Variants in ZNF106 observed in about 807,000 individuals in gnomAD.
ZNF106 encodes the protein zinc finger protein 106.
ZNF106 carries 67 observed loss-of-function variants against 195.1 expected under a neutral mutation model. The ratio of observed to expected loss-of-function variants is 0.34; its 90% CI spans 0.28 to 0.42. The LOEUF is 0.42. Among genes scored for constraint, ZNF106 ranks in the 10% least tolerant of loss-of-function variants. The probability of loss-of-function intolerance (pLI) is 1.00; values close to 1 mark genes in which losing one functional copy is unlikely to be tolerated. For missense variants in ZNF106, 2,118 were observed against 2,304.5 expected, an observed-to-expected ratio of 0.92 and a Z score of 1.66; for synonymous variants, 784 against 818.6, an observed-to-expected ratio of 0.96 and a Z score of 0.72.
chr15:42,422,428 CA>C, intron 18 of ZNF106, 72 bp downstream of exon 18: 1 of 1,547,790 alleles, frequency 6.5e-7, no homozygotes, highest in Non-Finnish European at 8.7e-7. Context: ...CTTACTGTAT[CA>C]AAAATCAACA....
At chr15:42,482,101 A>G (rs1411954318) in intron 1 of ZNF106, among the ~76,000 whole-genome samples, 2 of 152,140 alleles carry the variant, frequency 1.3e-5, no homozygotes, top group Non-Finnish European at 2.9e-5. Context: ...AGCCCCATCC[A>G]GTTTAAATTT....
intron 10 of ZNF106, among the ~76,000 whole-genome samples, chr15:42,440,446 TGTA>T (rs2055455140): frequency 6.6e-6 from 1 of 152,178 alleles, no homozygotes; most frequent in Non-Finnish European, 1.5e-5. Flanking sequence ...TTATGCAACT[TGTA>T]ATATAAAATA....
chr15:42,459,050 T>C (rs1179874857), intron 3 of ZNF106, among the ~76,000 whole-genome samples: 1 of 152,196 alleles, frequency 6.6e-6, no homozygotes, highest in Non-Finnish European at 1.5e-5. Flanking sequence ...CATTTTAATG[T>C]GCTCTGACCA....
intron 3 of ZNF106, among the ~76,000 whole-genome samples, chr15:42,464,875 G>A (rs1404706443): frequency 6.6e-6 from 1 of 152,124 alleles, no homozygotes; most frequent in African/African-American, 2.4e-5. Flanking sequence ...ATAAGTCTCA[G>A]GAGATCTGAT....
At chr15:42,448,766 T>A in intron 5 of ZNF106, 61 bp from the exon 6 acceptor site, 1 of 1,497,468 alleles carries the variant, frequency 6.7e-7, no homozygotes, top group Non-Finnish European at 8.9e-7. Context: ...AGGGGCATTA[T>A]TTTTTAATGT....
intron 14 of ZNF106, among the ~76,000 whole-genome samples, chr15:42,428,658 C>A (rs2054941676): frequency 6.6e-6 from 1 of 152,216 alleles, no homozygotes; most frequent in South Asian, 2.1e-4. Flanking sequence ...CAACCCCATC[C>A]CTGAGACTCT....
chr15:42,476,008 T>C (rs2056778074), intron 1 of ZNF106, among the ~76,000 whole-genome samples: 1 of 151,964 alleles, frequency 6.6e-6, no homozygotes, highest in East Asian at 1.9e-4. Flanking sequence ...AGCAAATGGA[T>C]AAAAAAAATA....
chr15:42,434,768 CTTTTT>C (rs536454605), intron 14 of ZNF106, among the ~76,000 whole-genome samples: 7 of 134,812 alleles, frequency 5.2e-5, no homozygotes, highest in Non-Finnish European at 1.1e-4. Context: ...ACATTTTGCT[CTTTTT>C]TTTTTTTTTT....
intron 14 of ZNF106, 152 bp from the exon 15 acceptor site, chr15:42,428,286 C>G (rs1281741879): frequency 1.0e-5 from 6 of 574,072 alleles, no homozygotes; most frequent in Non-Finnish European, 1.8e-5. Flanking sequence ...AGATCTGTTT[C>G]TCCTTTGAAA....
Position 42,449,802 on chromosome 15 carries a change from T to C in ZNF106, c.2470A>G (p.Lys824Glu). Residue 824 changes from lysine (K) to glutamate (E), a missense_variant, in exon 5 of 22, where the codon AAA becomes GAA. Lys to Glu is a moderately conservative substitution (Grantham distance 56). Transcript: ENST00000564754. ...WEQVIQQVTK[K>E]KQELGKGLPR... ...AAGCCTTTGCCCAGCTCTTGCTTTT[T>C]CTTGGTTACTTGCTGAATGACCTGT... 1 of 1,614,096 alleles carries C rather than the reference T, an allele frequency of 6.2e-7. No homozygotes were observed. Among genetic ancestry groups the C allele is most frequent in the Non-Finnish European group, 8.5e-7 (1 of 1,179,950 alleles).
At chr15:42,446,501 CAA>C (rs2055775730) in intron 7 of ZNF106, 86 bp downstream of exon 7, 1 of 977,290 alleles carries the variant, frequency 1.0e-6, no homozygotes, top group Non-Finnish European at 1.6e-6. Context: ...TGCTTGAGCC[CAA>C]GAGTTGGAGG....
intron 13 of ZNF106, among the ~76,000 whole-genome samples, chr15:42,436,115 G>A (rs1473298054): frequency 4.0e-5 from 6 of 151,822 alleles, no homozygotes; most frequent in East Asian, 1.9e-4. Context: ...CACCACCCCC[G>A]GCTAATTTTT....
chr15:42,446,545 C>A, intron 7 of ZNF106, 44 bp downstream of exon 7: 3 of 1,540,470 alleles, frequency 1.9e-6, no homozygotes, highest in South Asian at 1.2e-5. Context: ...CAAAAAAAAC[C>A]AAAAAACACC....
Position 42,439,750 on chromosome 15 carries a change from G to A in ZNF106, c.3827C>T (p.Ser1276Leu), listed in dbSNP as rs1277839847. ...VITARLSLPE[S>L]TESFHEPSQE... ...GCTAGGCTCATGGAAACTTTCTGTT[G>A]ACTCTGGTAAGGACAATCTAGCAGT... is the stretch of plus-strand genomic sequence containing the variant. Residue 1276 changes from serine (S) to leucine (L), a missense_variant, in exon 11 of 22, where the codon TCA (serine) becomes TTA (leucine). Ser to Leu is a moderately radical substitution (Grantham distance 145, BLOSUM62 -2). Coordinates refer to ENST00000564754, the MANE Select transcript of ZNF106 (RefSeq NM_001366845.3). The A allele has an allele frequency of 6.2e-7, 1 of 1,610,910 alleles. No individual in the cohort carries two copies. Among genetic ancestry groups the A allele is most frequent in the East Asian group, 2.2e-5 (1 of 44,878 alleles).
chr15:42,477,228 C>T (rs2056803973), intron 1 of ZNF106, among the ~76,000 whole-genome samples: 1 of 152,024 alleles, frequency 6.6e-6, no homozygotes, highest in South Asian at 2.1e-4. Context: ...TTTTGTTCTT[C>T]ATTTACTAGC....
chr15:42,469,490 C>T (rs1235508954), intron 2 of ZNF106, among the ~76,000 whole-genome samples: 2 of 152,144 alleles, frequency 1.3e-5, no homozygotes, highest in Non-Finnish European at 2.9e-5. Flanking sequence ...CTTCTCCCAT[C>T]CTGCTCCAAG....
chr15:42,457,315 A>C (rs2056262143), intron 3 of ZNF106, 157 bp from the exon 4 acceptor site: 1 of 1,498,460 alleles, frequency 6.7e-7, no homozygotes, highest in Admixed American at 2.4e-5. Context: ...ACTTTTAATA[A>C]GTTTGTTTAT....
rs146381257 is a variant in ZNF106, at chr15:42,448,087, T to C, written c.3120A>G (p.Lys1040=). 3,364 of 1,611,188 alleles carry C rather than the reference T, an allele frequency of 2.1e-3. 97 individuals carry two copies. In the Admixed American group the frequency reaches 0.05, roughly 24 times the overall value. The part of the protein sequence containing the change: ...EQNDGQSIRK[K]RRATGDGSSP... ...TTATACTCACTCCAGTGGCTCTTCG[T>C]TTCTTTCTAATACTTTGGCCATCAT... The change falls in exon 6 of 22, where the codon AAA becomes AAG. Residue 1040 remains lysine (K), a synonymous_variant. Transcript: ENST00000564754.
chr15:42,466,927 G>A (rs2056531613), intron 2 of ZNF106, among the ~76,000 whole-genome samples: 1 of 152,020 alleles, frequency 6.6e-6, no homozygotes, highest in Admixed American at 6.6e-5. Flanking sequence ...GAAGTCAGGA[G>A]ATCGAGACCA....
Sources: allele counts gnomAD v4.1 joint callset (sites outside exome capture counted in the v4.1 genomes callset), GRCh38; gene constraint gnomAD v4.1.1; transcripts MANE v1.5; gene names NCBI Gene and HGNC (gene_info 2026-07-23, HGNC 2026-07-21).